NR1H4: variants seen among roughly 807,000 people sequenced by gnomAD.
NR1H4 encodes the protein bile acid receptor.
Under a neutral mutation model 58.5 loss-of-function variants are expected in NR1H4, and 23 were observed. The observed-to-expected ratio is 0.39, with a 90% CI of 0.28 to 0.56. The LOEUF (loss-of-function observed/expected upper bound fraction) is 0.56. NR1H4 is among the 20% of genes least tolerant of loss of function. The pLI, the probability that NR1H4 is intolerant of heterozygous loss-of-function variation, is 0.58. For missense variants in NR1H4, 487 were observed against 576.9 expected, an observed-to-expected ratio of 0.84 and a Z score of 1.60; for synonymous variants, 214 against 198.0, an observed-to-expected ratio of 1.08 and a Z score of -0.68.
intron 9 of NR1H4, among the ~76,000 whole-genome samples, chr12:100,560,961 G>T (rs1362556080): frequency 6.6e-6 from 1 of 152,124 alleles, no homozygotes. Context: ...CAGGAAAGAA[G>T]TGGATTTGGA....
intron 1 of NR1H4, among the ~76,000 whole-genome samples, chr12:100,475,153 C>CTATCTATCTATA (rs1183224418): frequency 7.1e-6 from 1 of 141,326 alleles, no homozygotes; most frequent in African/African-American, 3.1e-5. Flanking sequence ...ATCTATCTAT[C>CTATCTATCTATA]TATCTAAATT....
At position 100,516,282 on chromosome 12, in the gene NR1H4, G is replaced by A. The variant is rs548767649; in HGVS notation, c.445+5139G>A. Among the ~76,000 whole-genome samples, 51 of 152,216 alleles carry A rather than the reference G, an allele frequency of 3.4e-4. No homozygotes were observed. In the South Asian group the frequency reaches 9.5e-3, roughly 28 times the overall value. ...GAGAGAAAGAAGCAGAAAAGAACAC[G>A]CATAATTTATTCGGAAAATCTGATT... On this transcript the variant is annotated intron_variant, in intron 4 of 10. Coordinates refer to ENST00000392986, the MANE Select transcript of NR1H4 (RefSeq NM_001206979.2).
intron 9 of NR1H4, among the ~76,000 whole-genome samples, chr12:100,545,664 A>AAC (rs1555195925): frequency 4.6e-5 from 6 of 129,078 alleles, no homozygotes; most frequent in African/African-American, 2.3e-4. Flanking sequence ...AAAAAAAAAA[A>AAC]AAAAACCAAA....
At chr12:100,560,482 G>A (rs1251538003) in intron 9 of NR1H4, among the ~76,000 whole-genome samples, 1 of 152,032 alleles carries the variant, frequency 6.6e-6, no homozygotes, top group Non-Finnish European at 1.5e-5. Flanking sequence ...AACTCCAGAC[G>A]TGCTGCCTTA....
At position 100,561,802 on chromosome 12, in the gene NR1H4, G is replaced by A. The variant is rs907773991; in HGVS notation, c.1079-83G>A. ...GTGCATATAGTTGCAAAATTACCATGTGTTTATATGTATAATGTGTTTCTA... is the reference window on the plus strand; with the variant it reads ...GTGCATATAGTTGCAAAATTACCATATGTTTATATGTATAATGTGTTTCTA... On this transcript the variant is annotated intron_variant, in intron 9 of 10. Coordinates refer to ENST00000392986, the MANE Select transcript of NR1H4 (RefSeq NM_001206979.2). The A allele has an allele frequency of 6.9e-6, 5 of 719,850 alleles. No individual in the cohort carries two copies. The African/African-American group carries it at 7.0e-5, about 10-fold the overall frequency. 44.6% of individuals were successfully genotyped at this position (719,850 alleles called of 1,614,324 possible). A position where few individuals can be genotyped will look rare whatever the true frequency, so the allele number is the denominator to read the frequency against.
At chr12:100,542,909 G>A (rs1047991950) in intron 9 of NR1H4, among the ~76,000 whole-genome samples, 1 of 151,156 alleles carries the variant, frequency 6.6e-6, no homozygotes. Context: ...TAAGGGCAAG[G>A]TACTATGGTA....
chr12:100,480,279 A>G (rs550328106), intron 1 of NR1H4, among the ~76,000 whole-genome samples: 9 of 152,180 alleles, frequency 5.9e-5, no homozygotes, highest in Non-Finnish European at 1.3e-4. Context: ...ATTATTTTTT[A>G]CTATGTCTAG....
intron 4 of NR1H4, among the ~76,000 whole-genome samples, chr12:100,519,723 G>C (rs1156576198): frequency 6.6e-6 from 1 of 152,084 alleles, no homozygotes; most frequent in East Asian, 1.9e-4. Context: ...CAAATGACGT[G>C]GAGTTTCTAT....
intron 9 of NR1H4, among the ~76,000 whole-genome samples, chr12:100,550,260 A>G (rs1314412558): frequency 6.6e-6 from 1 of 152,174 alleles, no homozygotes; most frequent in Non-Finnish European, 1.5e-5. Context: ...CTTACAAACT[A>G]GGGGTTTAAG....
intron 1 of NR1H4, among the ~76,000 whole-genome samples, chr12:100,489,457 G>C (rs755254041): frequency 1.1e-4 from 16 of 152,168 alleles, no homozygotes; most frequent in Non-Finnish European, 1.9e-4. Context: ...AGTGGCTGTG[G>C]CTGAGTACCA....
At chr12:100,499,742 A>G in intron 3 of NR1H4, 1 of 416,312 alleles carries the variant, frequency 2.4e-6, no homozygotes, top group South Asian at 1.8e-5. Flanking sequence ...CAAATATATT[A>G]ACTTACAACA....
At chr12:100,476,222 G>C (rs527998623) in intron 1 of NR1H4, among the ~76,000 whole-genome samples, 49 of 152,222 alleles carry the variant, frequency 3.2e-4, no homozygotes, top group Admixed American at 1.9e-3. Context: ...ACTTGAAATG[G>C]GGAATGATCG....
intron 3 of NR1H4, among the ~76,000 whole-genome samples, chr12:100,506,420 AAG>A (rs1190379337): frequency 6.6e-6 from 1 of 152,196 alleles, no homozygotes; most frequent in Non-Finnish European, 1.5e-5. Context: ...TTTGGTTGTA[AAG>A]TTCCTTTGTA....
At chr12:100,541,795 C>CCA (rs1566468921) in intron 9 of NR1H4, among the ~76,000 whole-genome samples, 2 of 151,702 alleles carry the variant, frequency 1.3e-5, no homozygotes, top group Non-Finnish European at 2.9e-5. Context: ...CAGGGTTTCA[C>CCA]CATGTTGGCC....
At chr12:100,490,644 C>A (rs1953585933) in intron 1 of NR1H4, among the ~76,000 whole-genome samples, 1 of 152,046 alleles carries the variant, frequency 6.6e-6, no homozygotes, top group South Asian at 2.1e-4. Context: ...TATACAGACA[C>A]ATATACATAT....
chr12:100,517,643 C>T (rs191606026), intron 4 of NR1H4, among the ~76,000 whole-genome samples: 2 of 152,270 alleles, frequency 1.3e-5, no homozygotes, highest in East Asian at 3.9e-4. Context: ...ATTTACACTC[C>T]CACCAGCAGT....
rs1565777516 is a variant in NR1H4 at position 100,545,667 on chromosome 12, A to AC, written c.1078+4849_1078+4850insC. ...AAAAAAAAAAAAAAAAAAAAAAAAA[A>AC]AACCAAACGGGGGGCATATATGCGT... is the stretch of plus-strand genomic sequence containing the variant. On this transcript the variant is annotated intron_variant, in intron 9 of 10. Coordinates refer to ENST00000392986, the MANE Select transcript of NR1H4 (RefSeq NM_001206979.2). Among the ~76,000 whole-genome samples the AC allele has an allele frequency of 2.7e-5, 4 of 145,654 alleles. No individual in the cohort carries two copies. In the East Asian group the frequency reaches 5.8e-4, roughly 21 times the overall value.
chr12:100,556,942 C>T (rs1223650868), intron 9 of NR1H4, among the ~76,000 whole-genome samples: 1 of 152,202 alleles, frequency 6.6e-6, no homozygotes, highest in Non-Finnish European at 1.5e-5. Context: ...CCATTTGCAT[C>T]ACTGTAAGAT....
Position 100,513,582 on chromosome 12 carries a change from G to A in NR1H4, c.445+2439G>A, listed in dbSNP as rs559528214. 2.6e-5 allele frequency among the ~76,000 whole-genome samples: 4 copies of A among 152,250 alleles called. No homozygotes were observed. In the South Asian group the frequency reaches 8.3e-4, roughly 32 times the overall value. On this transcript the variant is annotated intron_variant, in intron 4 of 10. Coordinates refer to ENST00000392986, the MANE Select transcript of NR1H4 (RefSeq NM_001206979.2). The stretch of plus-strand genomic sequence containing the variant: ...GGCCGAGGTGGGGGGATCACCTAAG[G>A]TCAGGAGTTCAAGACCAGCCTGGCC...
Sources: allele counts gnomAD v4.1 joint callset (sites outside exome capture counted in the v4.1 genomes callset), GRCh38; gene constraint gnomAD v4.1.1; transcripts MANE v1.5; gene names NCBI Gene and HGNC (gene_info 2026-07-23, HGNC 2026-07-21).